UNC45A: variants seen among roughly 807,000 people sequenced by gnomAD.
UNC45A encodes protein unc-45 homolog A.
UNC45A carries 78 observed loss-of-function variants against 103.2 expected under a neutral mutation model. That is an observed-to-expected ratio of 0.76 (90% confidence interval 0.63 to 0.91). The LOEUF is 0.91. Among genes scored for constraint, UNC45A ranks in the 40% least tolerant of loss-of-function variants. UNC45A has a pLI of 0.00. For synonymous variants in UNC45A, 495 were observed against 504.6 expected (o/e 0.98, Z 0.25); for missense variants, 1,193 against 1,224.8 (o/e 0.97, Z 0.39).
chr15:90,948,743 G>A lies in UNC45A; in HGVS notation c.1827G>A (p.Met609Ile), dbSNP rs372114233. 16 of 1,613,586 alleles carry A rather than the reference G, an allele frequency of 9.9e-6. No individual in the cohort carries two copies. Among genetic ancestry groups the A allele is most frequent in the African/African-American group, 1.3e-5 (1 of 74,920 alleles). ...SYDYEEPDPK[M>I]VELAKYAKQH... ...ACTACGAGGAGCCCGACCCCAAGAT[G>A]GTGGAGCTGGCCAAGTATGCCAAGC... Residue 609 changes from methionine to isoleucine, a missense_variant, in exon 13 of 20, where the codon ATG (methionine) becomes ATA (isoleucine). Coordinates refer to ENST00000418476, the MANE Select transcript of UNC45A (RefSeq NM_018671.5).
rs950785737 is a variant in UNC45A at position 90,935,998 on chromosome 15, G to A, written c.250+16G>A. On this transcript the variant is annotated intron_variant, in intron 3 of 19. Transcript: ENST00000418476. ...GCATCCAAAGGTAGGGGAATGGTGG[G>A]CCCTGGTGTGGAGCTGTAGGGCTTC... 4 of 1,613,954 alleles carry A rather than the reference G, an allele frequency of 2.5e-6. No individual in the cohort carries two copies. The highest frequency in any genetic ancestry group is 3.4e-6 in the Non-Finnish European group (4 of 1,179,958).
chr15:90,935,405 C>T (rs1307668195), intron 1 of UNC45A, 30 bp downstream of exon 1: 2 of 1,585,202 alleles, frequency 1.3e-6, no homozygotes, highest in Middle Eastern at 1.7e-4. Context: ...GCCATCACCC[C>T]TTCGCACCCG....
intron 17 of UNC45A, 116 bp downstream of exon 17, chr15:90,950,731 G>A (rs2036860956): frequency 1.9e-6 from 2 of 1,037,212 alleles, no homozygotes; most frequent in Non-Finnish European, 2.9e-6. Context: ...GAGCCTCACA[G>A]TGACTGCTCC....
At chr15:90,948,512 TG>T in intron 12 of UNC45A, 141 bp from the exon 13 acceptor site, 2 of 1,396,236 alleles carry the variant, frequency 1.4e-6, no homozygotes, top group Non-Finnish European at 9.6e-7. Flanking sequence ...TCCCAAAGTC[TG>T]GGGCCTGGGA....
At chr15:90,931,135 G>A (rs2035774523), upstream of UNC45A, 1 of 1,060,996 alleles carries the variant, frequency 9.4e-7, no homozygotes, top group Non-Finnish European at 1.3e-6. Context: ...TTCAGACTGA[G>A]AAAAAATGCA....
intron 17 of UNC45A, 22 bp downstream of exon 17, chr15:90,950,637 G>C (rs2036853129): frequency 1.2e-6 from 2 of 1,610,986 alleles, no homozygotes; most frequent in Non-Finnish European, 1.7e-6. Context: ...TGGGATTGCG[G>C]GGCCTGGACC....
Position 90,940,416 on chromosome 15 carries a change from C to T in UNC45A, c.630C>T (p.Asp210=). 1.2e-6 allele frequency: 2 copies of T among 1,614,094 alleles called. No individual in the cohort carries two copies. Among genetic ancestry groups the T allele is most frequent in the Non-Finnish European group, 1.7e-6 (2 of 1,179,990 alleles). ...GTTTACTGGACATGGGAGAGACTGA[C>T]CTCATGCTGGCGGCTCTGCGTACGC... ...LQRLLDMGET[D]LMLAALRTLV... The change falls in exon 6 of 20, where the codon GAC becomes GAT. Residue 210 remains aspartate, a synonymous_variant. Transcript: ENST00000418476.
At position 90,942,965 on chromosome 15, in the gene UNC45A, G is replaced by A. The variant is rs774555329; in HGVS notation, c.910G>A (p.Glu304Lys). The A allele has an allele frequency of 1.3e-5, 21 of 1,614,046 alleles. No individual in the cohort carries two copies. Among genetic ancestry groups the A allele is most frequent in the Non-Finnish European group, 9.3e-6 (11 of 1,180,008 alleles). The change falls in exon 8 of 20, where the codon GAG becomes AAG. Residue 304 changes from glutamate (E) to lysine (K), a missense_variant. Transcript: ENST00000418476. ...LISNLLDLLT[E>K]VGVSGQGRDN... is the part of the protein sequence containing the mutation. ...CAGTAACCTCTTAGATCTGCTGACA[G>A]AGGTGGGGGTCTCTGGCCAAGGCCG...
At chr15:90,931,763 A>C (rs753899170), upstream of UNC45A, 21 of 1,614,034 alleles carry the variant, frequency 1.3e-5, no homozygotes, top group South Asian at 2.2e-4. Context: ...CAGCTTCACC[A>C]GTTTGGCCCC....
Position 90,953,221 on chromosome 15 carries a change from G to A in UNC45A, c.2488G>A (p.Asp830Asn), listed in dbSNP as rs1220548475. ...LKLLVLYSGE[D>N]DELLQRAAAG... Reference sequence around the variant, plus strand: ...GCTGCTGGTGCTGTACAGTGGAGAGGATGATGAGCTGCTACAGCGGGCAGC... The same window carrying A: ...GCTGCTGGTGCTGTACAGTGGAGAGAATGATGAGCTGCTACAGCGGGCAGC... Residue 830 changes from aspartate to asparagine, a missense_variant, in exon 19 of 20, where the codon GAT becomes AAT. Physicochemically the swap from Asp to Asn is conservative, Grantham distance 23. Transcript: ENST00000418476. The A allele has an allele frequency of 1.2e-6, 2 of 1,613,776 alleles. No individual in the cohort carries two copies. The highest frequency in any genetic ancestry group is 1.7e-6 in the Non-Finnish European group (2 of 1,180,040).
At position 90,948,160 on chromosome 15, in the gene UNC45A, G is replaced by C. The variant is rs150629853; in HGVS notation, c.1614G>C (p.Gln538His). The C allele has an allele frequency of 6.2e-7, 1 of 1,614,142 alleles. No homozygotes were observed. The highest frequency in any genetic ancestry group is 8.5e-7 in the Non-Finnish European group (1 of 1,180,046). Residue 538 changes from glutamine (Q) to histidine (H), a missense_variant, in exon 12 of 20, where the codon CAG becomes CAC. Physicochemically the swap from Gln to His is conservative, Grantham distance 24. Coordinates refer to ENST00000418476, the MANE Select transcript of UNC45A (RefSeq NM_018671.5). ...TCCCCAGGTGGCTGTGCAATGACCA[G>C]ATCGACGCAGGCACTCGGCGCTGGG... ...KQCRKWLCND[Q>H]IDAGTRRWAV...
At chr15:90,940,510 C>G (rs369507871) in intron 6 of UNC45A, 37 bp downstream of exon 6, 9 of 1,582,908 alleles carry the variant, frequency 5.7e-6, no homozygotes, top group Middle Eastern at 3.7e-4. Flanking sequence ...AGCTTCAGTC[C>G]CTTTGTCTGT....
At chr15:90,938,774 C>T (rs985374451) in intron 4 of UNC45A, among the ~76,000 whole-genome samples, 10 of 152,072 alleles carry the variant, frequency 6.6e-5, no homozygotes, top group African/African-American at 9.7e-5. Flanking sequence ...CAGATTCAAG[C>T]GATTCTCCTG....
Position 90,953,612 on chromosome 15 carries a change from G to A in UNC45A, c.2731G>A (p.Val911Met). ...GAGTGAGATGATGGAGATCTTGTCA[G>A]TGCTAGCTAAGGGTGACCACAGCCC... ...MESEMMEILS[V>M]LAKGDHSPVT... Residue 911 changes from valine to methionine, a missense_variant, in exon 20 of 20, where the codon GTG becomes ATG. Physicochemically the swap from Val to Met is conservative, Grantham distance 21. Coordinates refer to ENST00000418476, the MANE Select transcript of UNC45A (RefSeq NM_018671.5). 1.9e-6 allele frequency: 3 copies of A among 1,614,162 alleles called. No individual in the cohort carries two copies. Among genetic ancestry groups the A allele is most frequent in the Non-Finnish European group, 2.5e-6 (3 of 1,180,040 alleles).
intron 9 of UNC45A, 126 bp downstream of exon 9, chr15:90,945,189 C>T: frequency 7.5e-7 from 1 of 1,333,350 alleles, no homozygotes. Context: ...TAGTTGGAGG[C>T]TGAACAAAGG....
At position 90,945,003 on chromosome 15, in the gene UNC45A, A is replaced by G. The variant is rs2036491225; in HGVS notation, c.1139A>G (p.Asp380Gly). 1 of 1,613,144 alleles carries G rather than the reference A, an allele frequency of 6.2e-7. No individual in the cohort carries two copies. Among genetic ancestry groups the G allele is most frequent in the African/African-American group, 1.3e-5 (1 of 75,034 alleles). The change falls in exon 9 of 20, where the codon GAT becomes GGT. Residue 380 changes from aspartate (D) to glycine (G), a missense_variant. Transcript: ENST00000418476. Reference protein sequence around the residue: ...SASILLSKLFDDLKCDAEREN... With the variant: ...SASILLSKLFGDLKCDAEREN... ...TCTATTCTCCTCAGCAAGCTCTTTG[A>G]TGACCTCAAGTGTGATGCGGAGAGG...
chr15:90,952,802 C>A (rs190886425), intron 17 of UNC45A, 127 bp from the exon 18 acceptor site: 14 of 775,206 alleles, frequency 1.8e-5, no homozygotes, highest in Middle Eastern at 3.6e-4. Flanking sequence ...CATGAGGGAC[C>A]CATCCCATGA....
chr15:90,940,652 C>T (rs925225746), intron 6 of UNC45A, 179 bp downstream of exon 6: 1 of 667,668 alleles, frequency 1.5e-6, no homozygotes, highest in African/African-American at 1.9e-5. Flanking sequence ...GTGCCTCACA[C>T]CTGTAATCCC....
rs765216586 is a variant in UNC45A, at chr15:90,953,170, G to A, written c.2437G>A (p.Glu813Lys). Reference sequence around the variant, plus strand: ...CTGGCCACAGGTGCAGGACCTCTTCGAAGCCCAGGGCAATGACCGACTGAA... The same window carrying A: ...CTGGCCACAGGTGCAGGACCTCTTCAAAGCCCAGGGCAATGACCGACTGAA... ...AMSKEVQDLFEAQGNDRLKLL... is the reference protein window; with the variant it reads ...AMSKEVQDLFKAQGNDRLKLL... Residue 813 changes from glutamate (E) to lysine (K), a missense_variant, in exon 19 of 20, where the codon GAA (glutamate) becomes AAA (lysine). Coordinates refer to ENST00000418476, the MANE Select transcript of UNC45A (RefSeq NM_018671.5). The A allele has an allele frequency of 7.4e-6, 12 of 1,613,574 alleles. No homozygotes were observed. Among genetic ancestry groups the A allele is most frequent in the African/African-American group, 1.3e-5 (1 of 74,914 alleles).
Sources: gnomAD v4.1 joint callset for allele counts (sites outside exome capture counted in the v4.1 genomes callset) on GRCh38, gnomAD v4.1.1 for gene constraint, MANE v1.5 for transcripts, NCBI Gene and HGNC (gene_info 2026-07-23, HGNC 2026-07-21) for gene names.